DAG1: variants seen among roughly 807,000 people sequenced by gnomAD.
DAG1 encodes dystroglycan 1 (dystrophin-associated glycoprotein 1).
Under a neutral mutation model 46.1 loss-of-function variants are expected in DAG1, and 8 were observed. The ratio of observed to expected loss-of-function variants is 0.17; its 90% CI spans 0.10 to 0.31. DAG1 has a LOEUF of 0.31. DAG1 is among the 10% of genes least tolerant of loss of function. The pLI is 1.00. For missense variants in DAG1, 1,003 were observed against 1,189.9 expected (o/e 0.84, Z 2.31); for synonymous variants, 495 against 481.8 (o/e 1.03, Z -0.36).
intron 1 of DAG1, among the ~76,000 whole-genome samples, chr3:49,503,420 GTTT>G (rs2050510234): frequency 1.3e-5 from 2 of 152,058 alleles, no homozygotes; most frequent in East Asian, 1.9e-4. Flanking sequence ...CATTTTTATT[GTTT>G]TAGGTTGCTT....
At chr3:49,498,614 T>C (rs1375101444) in intron 1 of DAG1, among the ~76,000 whole-genome samples, 1 of 152,146 alleles carries the variant, frequency 6.6e-6, no homozygotes, top group African/African-American at 2.4e-5. Flanking sequence ...ATTTCTGCTT[T>C]TTATGTTTTC....
At chr3:49,525,987 A>T (rs1450652907) in intron 2 of DAG1, among the ~76,000 whole-genome samples, 2 of 151,650 alleles carry the variant, frequency 1.3e-5, no homozygotes, top group East Asian at 1.9e-4. Context: ...AGTAGCTGGG[A>T]TTATAGGCGC....
At chr3:49,512,348 G>A (rs773275739) in intron 2 of DAG1, among the ~76,000 whole-genome samples, 4 of 151,914 alleles carry the variant, frequency 2.6e-5, no homozygotes, top group African/African-American at 4.8e-5. Flanking sequence ...GATTACAGGC[G>A]CACGTCACCA....
chr3:49,518,509 AT>A (rs1174569726), intron 2 of DAG1, among the ~76,000 whole-genome samples: 1 of 152,168 alleles, frequency 6.6e-6, no homozygotes, highest in African/African-American at 2.4e-5. Context: ...GCTTCGCTAC[AT>A]TTTATATTGG....
At position 49,491,809 on chromosome 3, in the gene DAG1, G is replaced by A. The variant is rs144689280; in HGVS notation, c.-116-18610G>A. Among the ~76,000 whole-genome samples the A allele has an allele frequency of 9.4e-3, 1,427 of 152,174 alleles. 27 individuals carry two copies. The highest frequency in any genetic ancestry group is 0.031 in the African/African-American group (1,287 of 41,540). ...TATTTTTGTATTTTTAGTAGAGACG[G>A]GGTTTCGCCACATTGGCCAGTCTGG... On this transcript the variant is annotated intron_variant, in intron 1 of 2. Coordinates refer to ENST00000308775, the MANE Select transcript of DAG1 (RefSeq NM_004393.6).
In DAG1 at chr3:49,511,092, G is replaced by A. The variant is rs994690028; in HGVS notation, c.285+273G>A. On this transcript the variant is annotated intron_variant, in intron 2 of 2. Coordinates refer to ENST00000308775, the MANE Select transcript of DAG1 (RefSeq NM_004393.6). ...CTGAACACTGATTTAGGGATTTGTT[G>A]GAAAGGTCTGTCACGTGTATAGGGA... is the stretch of plus-strand genomic sequence containing the variant. 8.5e-6 allele frequency: 5 copies of A among 586,252 alleles called. No homozygotes were observed. The Admixed American group carries it at 3.2e-4, about 37-fold the overall frequency. The allele number at this position is 586,252 out of a possible 1,614,324, so 36.3% of individuals were successfully genotyped here.
intron 2 of DAG1, among the ~76,000 whole-genome samples, chr3:49,522,571 C>G (rs1442807243): frequency 6.6e-6 from 1 of 150,770 alleles, no homozygotes; most frequent in Non-Finnish European, 1.5e-5. Context: ...TCCTGAGTAG[C>G]TGGGGTTATA....
At chr3:49,473,026 CAGG>C (rs2049570221) in intron 1 of DAG1, among the ~76,000 whole-genome samples, 1 of 150,388 alleles carries the variant, frequency 6.6e-6, no homozygotes, top group Admixed American at 6.6e-5. Flanking sequence ...GAGGCTGAGA[CAGG>C]AGAATCGCTT....
At chr3:49,511,080 T>G (rs1287576154) in intron 2 of DAG1, 3 of 694,182 alleles carry the variant, frequency 4.3e-6, no homozygotes, top group Non-Finnish European at 5.3e-6. Context: ...AACACTGATT[T>G]AGGGATTTGT....
chr3:49,469,330 CCA>C (rs1469331360), upstream of DAG1, among the ~76,000 whole-genome samples: 1 of 152,210 alleles, frequency 6.6e-6, no homozygotes. Context: ...GGTCTCATTC[CCA>C]GACCCATCCG....
intron 2 of DAG1, among the ~76,000 whole-genome samples, chr3:49,513,433 ACT>A (rs2050814845): frequency 6.6e-6 from 1 of 151,926 alleles, no homozygotes; most frequent in Admixed American, 6.6e-5. Flanking sequence ...GCACATATAG[ACT>A]CTGATGGGTG....
chr3:49,483,302 C>T (rs2049934051), intron 1 of DAG1, among the ~76,000 whole-genome samples: 1 of 150,966 alleles, frequency 6.6e-6, no homozygotes, highest in Non-Finnish European at 1.5e-5. Context: ...CTCCCAGATT[C>T]AAGTGATTCT....
intron 1 of DAG1, among the ~76,000 whole-genome samples, chr3:49,504,497 G>A (rs189561762): frequency 6.8e-6 from 1 of 148,140 alleles, no homozygotes; most frequent in East Asian, 2.0e-4. Flanking sequence ...GGGTATATTT[G>A]TGTATGTCTA....
intron 1 of DAG1, among the ~76,000 whole-genome samples, chr3:49,486,641 T>C (rs1277942846): frequency 6.6e-6 from 1 of 152,068 alleles, no homozygotes. Context: ...TAGCTGGGAT[T>C]ACAGGTGTGC....
chr3:49,518,615 C>G (rs911819204), intron 2 of DAG1, among the ~76,000 whole-genome samples: 4 of 152,264 alleles, frequency 2.6e-5, no homozygotes, highest in African/African-American at 9.6e-5. Flanking sequence ...CTCTTCTGCT[C>G]TGCCCCACAC....
chr3:49,534,213 T>C lies in DAG1; in HGVS notation c.*1014T>C, dbSNP rs2051447877. Reference sequence around the variant, plus strand: ...TTTTTTTTTTTCCTCCTAAAAGGAATATCACGGTTTTTTGAAACACTCAGT... The same window carrying C: ...TTTTTTTTTTTCCTCCTAAAAGGAACATCACGGTTTTTTGAAACACTCAGT... On this transcript the variant is annotated 3_prime_UTR_variant, in exon 3 of 3. Coordinates refer to ENST00000308775, the MANE Select transcript of DAG1 (RefSeq NM_004393.6). The C allele has an allele frequency of 6.6e-6, 1 of 152,452 alleles. No homozygotes were observed. Among genetic ancestry groups the C allele is most frequent in the African/African-American group, 2.4e-5 (1 of 41,382 alleles). 9.4% of individuals were successfully genotyped at this position (152,452 alleles called of 1,614,324 possible). A position where few individuals can be genotyped will look rare whatever the true frequency, so the allele number is the denominator to read the frequency against.
intron 2 of DAG1, among the ~76,000 whole-genome samples, chr3:49,520,228 CATT>C (rs1238785799): frequency 6.6e-6 from 1 of 152,250 alleles, no homozygotes; most frequent in Non-Finnish European, 1.5e-5. Flanking sequence ...CCATGTTCCT[CATT>C]AGCAGAAGGC....
Position 49,471,278 on chromosome 3 carries a change from G to A in DAG1, c.-117+845G>A, listed in dbSNP as rs373403600. On this transcript the variant is annotated intron_variant, in intron 1 of 2. Coordinates refer to ENST00000308775, the MANE Select transcript of DAG1 (RefSeq NM_004393.6). ...AAATAAGCGAGTAGAAGTGACTCCT[G>A]GCATAGAAGCCAGACTCCGTGAAGG... Among the ~76,000 whole-genome samples, 36 of 152,238 alleles carry A rather than the reference G, an allele frequency of 2.4e-4. No homozygotes were observed. In the East Asian group the frequency reaches 6.0e-3, roughly 25 times the overall value.
chr3:49,493,236 G>A (rs909822282), intron 1 of DAG1, among the ~76,000 whole-genome samples: 5 of 151,734 alleles, frequency 3.3e-5, no homozygotes, highest in African/African-American at 2.4e-5. Flanking sequence ...TAGAGACAGA[G>A]TCTCCCTGTG....
Sources: gnomAD v4.1 joint callset for allele counts (sites outside exome capture counted in the v4.1 genomes callset) on GRCh38, gnomAD v4.1.1 for gene constraint, MANE v1.5 for transcripts, NCBI Gene and HGNC (gene_info 2026-07-23, HGNC 2026-07-21) for gene names.